MARCHF10: variants seen among roughly 807,000 people sequenced by gnomAD.
MARCHF10 encodes probable E3 ubiquitin-protein ligase MARCHF10.
Under a neutral mutation model 76.2 loss-of-function variants are expected in MARCHF10, and 64 were observed. The observed-to-expected ratio is 0.84, with a 90% CI of 0.69 to 1.03. The LOEUF is 1.03. Among genes scored for constraint, MARCHF10 ranks in the 50% least tolerant of loss-of-function variants. MARCHF10 has a pLI of 0.00. For missense variants in MARCHF10, 875 were observed against 958.0 expected, an observed-to-expected ratio of 0.91 and a Z score of 1.14; for synonymous variants, 340 against 357.5, an observed-to-expected ratio of 0.95 and a Z score of 0.55.
Position 62,797,298 on chromosome 17 carries a change from G to A in MARCHF10, c.90+4348C>T, listed in dbSNP as rs566477184. 9.9e-5 allele frequency among the ~76,000 whole-genome samples: 15 copies of A among 152,204 alleles called. No individual in the cohort carries two copies. The South Asian group carries it at 1.5e-3, about 15-fold the overall frequency. On this transcript the variant is annotated intron_variant, in intron 2 of 10. Coordinates refer to ENST00000311269, the MANE Select transcript of MARCHF10 (RefSeq NM_152598.4). The stretch of plus-strand genomic sequence containing the variant: ...TGGCTCACTGCAACCTCCGCCTCCC[G>A]GGTTCAAGCGATTCTCCTGCCTCAG...
At chr17:62,768,534 A>G (rs1247629358) in intron 3 of MARCHF10, among the ~76,000 whole-genome samples, 1 of 152,210 alleles carries the variant, frequency 6.6e-6, no homozygotes, top group Non-Finnish European at 1.5e-5. Flanking sequence ...GAATTGTACC[A>G]TTTATACTGT....
Position 62,788,392 on chromosome 17 carries a change from G to C in MARCHF10, c.210+88C>G, listed in dbSNP as rs543693671. The C allele has an allele frequency of 1.2e-5, 18 of 1,532,908 alleles. No homozygotes were observed. In the African/African-American group the frequency reaches 2.4e-4, roughly 20 times the overall value. The allele number at this position is 1,532,908 out of a possible 1,614,324, so 95.0% of individuals were successfully genotyped here. A position where few individuals can be genotyped will look rare whatever the true frequency, so the allele number is the denominator to read the frequency against. On this transcript the variant is annotated intron_variant, in intron 3 of 10. Transcript: ENST00000311269. ...TCTGCAACATCTCCTTTTTGAGTTG[G>C]CTTTTTCCTACATCACACACACACA...
rs1254408393 is a variant in MARCHF10 at position 62,712,190 on chromosome 17, T to G, written c.2215-846A>C. ...GCCCTTTCAGTCCCCATCTTTCCCT[T>G]GAGTGGGGGTCTTGGGATGGGCCAG... On this transcript the variant is annotated intron_variant, in intron 8 of 10. Coordinates refer to ENST00000311269, the MANE Select transcript of MARCHF10 (RefSeq NM_152598.4). The surrounding 1 kb of genome is among the most constrained non-coding windows in gnomAD (Gnocchi z 4.2). Among the ~76,000 whole-genome samples the G allele has an allele frequency of 6.6e-6, 1 of 152,168 alleles. No homozygotes were observed. The highest frequency in any genetic ancestry group is 6.5e-5 in the Admixed American group (1 of 15,276).
intron 8 of MARCHF10, among the ~76,000 whole-genome samples, chr17:62,717,572 G>A (rs571358755): frequency 1.3e-4 from 20 of 152,192 alleles, no homozygotes; most frequent in Non-Finnish European, 2.5e-4. Context: ...GGGAGGCCCC[G>A]GCAGGAGACC....
At chr17:62,721,365 T>C (rs376589111) in intron 8 of MARCHF10, among the ~76,000 whole-genome samples, 2,566 of 64,604 alleles carry the variant, frequency 0.04, 71 homozygotes, top group African/African-American at 0.12. Context: ...ATTACCCCCC[T>C]TTTTTTTTTT....
In MARCHF10 at chr17:62,738,937, G is replaced by C. The variant is rs1470133703; in HGVS notation, c.536-1605C>G. On this transcript the variant is annotated intron_variant, in intron 5 of 10. Coordinates refer to ENST00000311269, the MANE Select transcript of MARCHF10 (RefSeq NM_152598.4). The surrounding 1 kb of genome is among the most constrained non-coding windows in gnomAD (Gnocchi z 4.0). ...GCTGGTGGCGAGGCCACTCCAGACT[G>C]GGCCGACCCCCATTTTGGGAACAAA... Among the ~76,000 whole-genome samples the C allele has an allele frequency of 6.6e-6, 1 of 152,224 alleles. No homozygotes were observed. Among genetic ancestry groups the C allele is most frequent in the Admixed American group, 6.5e-5 (1 of 15,288 alleles).
Position 62,723,944 on chromosome 17 carries a change from C to T in MARCHF10, c.2104+994G>A, listed in dbSNP as rs189153464. On this transcript the variant is annotated intron_variant, in intron 7 of 10. Coordinates refer to ENST00000311269, the MANE Select transcript of MARCHF10 (RefSeq NM_152598.4). ...ATGACACAGTAATATGATTACCCCA[C>T]GTGTTCATTCTCTGATTCCATGGTG... 7.9e-5 allele frequency among the ~76,000 whole-genome samples: 12 copies of T among 152,202 alleles called. No homozygotes were observed. The South Asian group carries it at 1.5e-3, about 18-fold the overall frequency.
intron 6 of MARCHF10, among the ~76,000 whole-genome samples, chr17:62,733,543 G>T (rs994553273): frequency 7.2e-5 from 11 of 151,894 alleles, no homozygotes; most frequent in Admixed American, 6.6e-5. Flanking sequence ...TGGAAAATGT[G>T]TTCACCACCA....
chr17:62,770,101 T>C (rs1049973996), intron 3 of MARCHF10, among the ~76,000 whole-genome samples: 2 of 152,224 alleles, frequency 1.3e-5, no homozygotes, highest in South Asian at 2.1e-4. Flanking sequence ...CTCCCACTTA[T>C]AAGTGAGAAC....
At chr17:62,788,027 A>G (rs935640585) in intron 3 of MARCHF10, among the ~76,000 whole-genome samples, 3 of 152,206 alleles carry the variant, frequency 2.0e-5, no homozygotes, top group Non-Finnish European at 2.9e-5. Context: ...CAATTATTAC[A>G]TGATACAGTT....
Position 62,766,422 on chromosome 17 carries a change from C to A in MARCHF10, c.211-6416G>T, listed in dbSNP as rs1029987147. Among the ~76,000 whole-genome samples the A allele has an allele frequency of 2.6e-5, 4 of 152,026 alleles. No homozygotes were observed. In the East Asian group the frequency reaches 5.8e-4, roughly 22 times the overall value. ...GGCTGAGGCAGGAGAATCACTTGAA[C>A]CTGGGAGGTGGAGGTTGCAGTGAGT... On this transcript the variant is annotated intron_variant, in intron 3 of 10. Transcript: ENST00000311269.
At chr17:62,735,863 T>TA (rs1264869627) in intron 6 of MARCHF10, 68 bp downstream of exon 6, 9 of 1,437,894 alleles carry the variant, frequency 6.3e-6, no homozygotes, top group Admixed American at 2.2e-5. Context: ...CATGGCTCTC[T>TA]AACGAAAGCA....
At chr17:62,709,197 C>G (rs966190604) in intron 9 of MARCHF10, among the ~76,000 whole-genome samples, 1 of 152,086 alleles carries the variant, frequency 6.6e-6, no homozygotes, top group African/African-American at 2.4e-5. Context: ...AGGCATTTGT[C>G]AGCCGGGCAC....
chr17:62,780,894 C>CG (rs1463606419), intron 3 of MARCHF10: 1 of 152,106 alleles, frequency 6.6e-6, no homozygotes, highest in African/African-American at 2.4e-5. Flanking sequence ...ATGGGGAAAT[C>CG]GGGGCTCCTG....
rs574040457 is a variant in MARCHF10, at chr17:62,754,040, G to A, written c.382+5795C>T. On this transcript the variant is annotated intron_variant, in intron 4 of 10. Transcript: ENST00000311269. ...GGATGACTTCACTGATGATCAAATC[G>A]TTAAAATTTTTAATAATCAAATTAT... Among the ~76,000 whole-genome samples the A allele has an allele frequency of 1.1e-4, 17 of 152,212 alleles. No individual in the cohort carries two copies. The East Asian group carries it at 3.1e-3, about 28-fold the overall frequency.
chr17:62,748,430 A>G (rs1369120721), intron 4 of MARCHF10, among the ~76,000 whole-genome samples: 1 of 151,624 alleles, frequency 6.6e-6, no homozygotes, highest in Non-Finnish European at 1.5e-5. Flanking sequence ...ACAAACAAAC[A>G]AACAAAAAAG....
chr17:62,798,787 C>T (rs943116680), intron 2 of MARCHF10, among the ~76,000 whole-genome samples: 4 of 152,184 alleles, frequency 2.6e-5, no homozygotes, highest in African/African-American at 9.6e-5. Context: ...GACTTAAGCA[C>T]GTTCGTGGAC....
chr17:62,746,463 A>AAG (rs148088908), intron 4 of MARCHF10, among the ~76,000 whole-genome samples: 76,471 of 150,598 alleles, frequency 0.51, 20,187 homozygotes, highest in East Asian at 0.68. Context: ...GAGAGACAGA[A>AAG]AGACAGAGAG....
chr17:62,787,526 C>T (rs1457181878), intron 3 of MARCHF10, among the ~76,000 whole-genome samples: 1 of 152,176 alleles, frequency 6.6e-6, no homozygotes, highest in Non-Finnish European at 1.5e-5. Context: ...GTGTTGAATA[C>T]AGCTTGTGGT....
Sources: allele counts gnomAD v4.1 joint callset (sites outside exome capture counted in the v4.1 genomes callset), GRCh38; gene constraint gnomAD v4.1.1; non-coding constraint Gnocchi (gnomAD v3.1); transcripts MANE v1.5; gene names NCBI Gene and HGNC (gene_info 2026-07-23, HGNC 2026-07-21).